Variants in PCDHA3 observed in about 807,000 individuals in gnomAD.
PCDHA3 encodes protocadherin alpha-3.
In PCDHA3, 41 loss-of-function variants were observed where a neutral mutation model predicts 62.2. The ratio of observed to expected loss-of-function variants is 0.66; its 90% CI spans 0.51 to 0.86. PCDHA3 has a LOEUF of 0.86. PCDHA3 is among the 40% of genes least tolerant of loss of function. The pLI, the probability that PCDHA3 is intolerant of heterozygous loss-of-function variation, is 0.00. For missense variants in PCDHA3, 1,304 were observed against 1,241.2 expected (o/e 1.05, Z -0.76); for synonymous variants, 640 against 555.4 (o/e 1.15, Z -2.14).
intron 1 of PCDHA3, chr5:140,883,869 A>G: frequency 6.2e-7 from 1 of 1,613,112 alleles, no homozygotes; most frequent in South Asian, 1.1e-5. Context: ...TTGCAGTTCC[A>G]GGTGAGCGCG....
chr5:140,858,610 T>G, intron 1 of PCDHA3: 1 of 1,234,746 alleles, frequency 8.1e-7, no homozygotes, highest in Non-Finnish European at 1.1e-6. Flanking sequence ...TAAAATTTTT[T>G]TATCCTACCC....
intron 1 of PCDHA3, among the ~76,000 whole-genome samples, chr5:140,978,254 A>T (rs2096794173): frequency 6.6e-6 from 1 of 152,228 alleles, no homozygotes; most frequent in Non-Finnish European, 1.5e-5. Context: ...TCCCTGTTAA[A>T]CAATCAGAGC....
At chr5:140,843,880 A>G in intron 1 of PCDHA3, 1 of 739,104 alleles carries the variant, frequency 1.4e-6, no homozygotes, top group Admixed American at 3.0e-5. Flanking sequence ...CAGTGGCATA[A>G]TACAGTATTA....
chr5:140,829,635 G>A, intron 1 of PCDHA3: 1 of 1,612,310 alleles, frequency 6.2e-7, no homozygotes, highest in Non-Finnish European at 8.5e-7. Flanking sequence ...GCGGAGAGCG[G>A]CAAGGTGTAC....
intron 1 of PCDHA3, among the ~76,000 whole-genome samples, chr5:140,934,534 G>GT (rs1563143363): frequency 2.6e-5 from 4 of 152,064 alleles, no homozygotes; most frequent in Non-Finnish European, 4.4e-5. Flanking sequence ...GAGAGCTACC[G>GT]TTCTAATTCT....
At chr5:140,854,143 C>CA (rs1554147026) in intron 1 of PCDHA3, 3 of 432,586 alleles carry the variant, frequency 6.9e-6, no homozygotes, top group Non-Finnish European at 8.7e-6. Flanking sequence ...GCCCGGGTGA[C>CA]AGCAAGATTC....
chr5:140,957,014 G>A (rs2095325954), intron 1 of PCDHA3, among the ~76,000 whole-genome samples: 1 of 152,124 alleles, frequency 6.6e-6, no homozygotes, highest in South Asian at 2.1e-4. Flanking sequence ...ATTTCTCAGT[G>A]AGCATTTAGA....
Position 140,833,672 on chromosome 5 carries a change from TC to T in PCDHA3, c.2394+30085del, listed in dbSNP as rs2150210323. 1.4e-3 allele frequency among the ~76,000 whole-genome samples: 206 copies of T among 152,280 alleles called. 1 individual carries two copies. Among genetic ancestry groups the T allele is most frequent in the African/African-American group, 4.4e-3 (183 of 41,568 alleles). On this transcript the variant is annotated intron_variant, in intron 1 of 3. Transcript: ENST00000522353. The stretch of plus-strand genomic sequence containing the variant: ...ATACAAATTCTTCCCCTTCAAAGAT[TC>T]CCCAAACCTTCTCTTATTTTGTTTT...
chr5:141,000,462 T>C (rs1554257607), intron 3 of PCDHA3, among the ~76,000 whole-genome samples: 1 of 139,384 alleles, frequency 7.2e-6, no homozygotes, highest in Non-Finnish European at 1.5e-5. Flanking sequence ...AGTTTTGCTC[T>C]TGTTGCCCAA....
chr5:140,850,076 G>A lies in PCDHA3; in HGVS notation c.2394+46485G>A. Reference sequence around the variant, plus strand: ...CGCTGCAGCCGTTGGACCACGAGGAGCTGGAGCTGCTACAGTTCCAGGTGA... The same window carrying A: ...CGCTGCAGCCGTTGGACCACGAGGAACTGGAGCTGCTACAGTTCCAGGTGA... On this transcript the variant is annotated intron_variant, in intron 1 of 3. Transcript: ENST00000522353. 6 of 1,596,552 alleles carry A rather than the reference G, an allele frequency of 3.8e-6. 1 individual carries two copies. Among genetic ancestry groups the A allele is most frequent in the Non-Finnish European group, 5.1e-6 (6 of 1,167,850 alleles).
chr5:140,967,192 C>T (rs2096111456), intron 1 of PCDHA3: 1 of 1,613,408 alleles, frequency 6.2e-7, no homozygotes, highest in South Asian at 1.1e-5. Context: ...TGGACATCAA[C>T]GACAACTCAC....
At position 140,876,570 on chromosome 5, in the gene PCDHA3, T is replaced by A. The variant is rs782551095; in HGVS notation, c.2394+72979T>A. 5.7e-5 allele frequency: 92 copies of A among 1,614,172 alleles called. No individual in the cohort carries two copies. In the East Asian group the frequency reaches 2.0e-3, roughly 35 times the overall value. On this transcript the variant is annotated intron_variant, in intron 1 of 3. Coordinates refer to ENST00000522353, the MANE Select transcript of PCDHA3 (RefSeq NM_018906.3). The stretch of plus-strand genomic sequence containing the variant: ...CTGTGCAAGAGGATGCTCAGGTGGG[T>A]ACCGTCATTGCCCTGATTAGCGTGT...
intron 1 of PCDHA3, chr5:140,929,034 C>T (rs561529051): frequency 2.5e-6 from 4 of 1,614,158 alleles, no homozygotes; most frequent in East Asian, 4.5e-5. Flanking sequence ...CAGGCTGTTG[C>T]GCTCAGAGCT....
intron 3 of PCDHA3, among the ~76,000 whole-genome samples, chr5:141,002,751 C>T (rs1204940300): frequency 3.9e-5 from 6 of 152,152 alleles, no homozygotes; most frequent in African/African-American, 1.4e-4. Context: ...CATCGACAAC[C>T]CTGTGATGTA....
chr5:140,843,046 C>T lies in PCDHA3; in HGVS notation c.2394+39455C>T, dbSNP rs2150350953. ...AGCCTCGGGTGGGTGGCACTGGTGGCGCAGCGAGCAAGCTGGTGCCGCGGT... is the reference window on the plus strand; with the variant it reads ...AGCCTCGGGTGGGTGGCACTGGTGGTGCAGCGAGCAAGCTGGTGCCGCGGT... On this transcript the variant is annotated intron_variant, in intron 1 of 3. Transcript: ENST00000522353. The T allele has an allele frequency of 2.5e-6, 4 of 1,594,998 alleles. 1 individual carries two copies. The highest frequency in any genetic ancestry group is 1.7e-5 in the Admixed American group (1 of 59,286).
At chr5:140,957,726 A>T (rs1297510940) in intron 1 of PCDHA3, among the ~76,000 whole-genome samples, 4 of 152,164 alleles carry the variant, frequency 2.6e-5, no homozygotes, top group Non-Finnish European at 5.9e-5. Flanking sequence ...AAGAAGCAGA[A>T]TTATATATAC....
At chr5:140,835,352 C>A (rs2150234415) in intron 1 of PCDHA3, 3 of 1,613,802 alleles carry the variant, frequency 1.9e-6, no homozygotes, top group South Asian at 1.1e-5. Flanking sequence ...TCGAGGCTGT[C>A]GATAAAGGCT....
chr5:140,882,788 C>T, intron 1 of PCDHA3: 1 of 1,614,216 alleles, frequency 6.2e-7, no homozygotes, highest in East Asian at 2.2e-5. Context: ...CCGACTGGAT[C>T]CCAACGATTA....
At chr5:140,941,651 T>C (rs2093139674) in intron 1 of PCDHA3, among the ~76,000 whole-genome samples, 3 of 152,120 alleles carry the variant, frequency 2.0e-5, no homozygotes, top group Admixed American at 6.6e-5. Context: ...CTACAACTTA[T>C]GTCCAATTTT....
Sources: gnomAD v4.1 joint callset for allele counts (sites outside exome capture counted in the v4.1 genomes callset) on GRCh38, gnomAD v4.1.1 for gene constraint, MANE v1.5 for transcripts, NCBI Gene and HGNC (gene_info 2026-07-23, HGNC 2026-07-21) for gene names.